The following TIAM2 variants were observed in gnomAD, a reference collection of about 807,000 sequenced individuals.
TIAM2 encodes rho guanine nucleotide exchange factor TIAM2.
A neutral mutation model predicts 152.9 loss-of-function variants in TIAM2; 80 were observed. The ratio of observed to expected loss-of-function variants is 0.52; its 90% CI spans 0.44 to 0.63. TIAM2 has a LOEUF of 0.63. TIAM2 is among the 30% of genes least tolerant of loss of function. TIAM2 has a pLI of 0.00. For missense variants in TIAM2, 1,965 were observed against 2,120.1 expected, an observed-to-expected ratio of 0.93 and a Z score of 1.44; for synonymous variants, 804 against 838.0, an observed-to-expected ratio of 0.96 and a Z score of 0.70.
At chr6:155,179,209 T>C in intron 11 of TIAM2, 66 bp downstream of exon 11, 1 of 1,519,370 alleles carries the variant, frequency 6.6e-7, no homozygotes, top group Non-Finnish European at 9.0e-7. Context: ...TTTTGAAAAA[T>C]GTCATTTTTG....
At chr6:155,223,102 T>C (rs1481679940) in intron 15 of TIAM2, among the ~76,000 whole-genome samples, 1 of 152,186 alleles carries the variant, frequency 6.6e-6, no homozygotes, top group Non-Finnish European at 1.5e-5. Flanking sequence ...CCCCAGAAGA[T>C]TGCTTATGCA....
intron 15 of TIAM2, among the ~76,000 whole-genome samples, chr6:155,222,554 C>T (rs9384301): frequency 0.92 from 139,534 of 151,350 alleles, 64,500 homozygotes; most frequent in East Asian, 1. Flanking sequence ...TGAGCCAAGA[C>T]TGCACCACTG....
At chr6:155,110,318 C>CTTTTCTT (rs1254574468) in intron 2 of TIAM2, among the ~76,000 whole-genome samples, 2 of 133,808 alleles carry the variant, frequency 1.5e-5, no homozygotes, top group Non-Finnish European at 3.1e-5. Context: ...TCTTTCTTTT[C>CTTTTCTT]TTTTTTTTTT....
Position 155,159,889 on chromosome 6 carries a change from C to A in TIAM2, c.2029-4526C>A, listed in dbSNP as rs988794. 3.9e-5 allele frequency among the ~76,000 whole-genome samples: 6 copies of A among 151,952 alleles called. No individual in the cohort carries two copies. In the East Asian group the frequency reaches 9.7e-4, roughly 25 times the overall value. ...ATGATCTTTCAATATGGAATAGATA[C>A]GTGAGTAAAGATGGCTTACTCTGCC... is the stretch of plus-strand genomic sequence containing the variant. On this transcript the variant is annotated intron_variant, in intron 7 of 26. Coordinates refer to ENST00000682666, the MANE Select transcript of TIAM2 (RefSeq NM_012454.4).
chr6:155,164,576 G>A lies in TIAM2; in HGVS notation c.2190G>A (p.Leu730=). ...TGGCCCTCGGCAGGCTGGGCATCTTGTCTGTTTCCTCTTTCCATGCTCTGG... is the reference window on the plus strand; with the variant it reads ...TGGCCCTCGGCAGGCTGGGCATCTTATCTGTTTCCTCTTTCCATGCTCTGG... ...SKLALGRLGI[L]SVSSFHALVC... Residue 730 remains leucine (L), a synonymous_variant, in exon 8 of 27, where the codon TTG becomes TTA. Coordinates refer to ENST00000682666, the MANE Select transcript of TIAM2 (RefSeq NM_012454.4). The A allele has an allele frequency of 1.9e-6, 3 of 1,613,502 alleles. No individual in the cohort carries two copies. The highest frequency in any genetic ancestry group is 1.7e-6 in the Non-Finnish European group (2 of 1,179,582).
chr6:155,181,754 C>T (rs559400003), intron 12 of TIAM2, among the ~76,000 whole-genome samples: 2 of 152,346 alleles, frequency 1.3e-5, no homozygotes, highest in Admixed American at 1.3e-4. Context: ...TCTAGCTACT[C>T]ACGTAAATAG....
chr6:155,231,748 C>A (rs538882841), intron 15 of TIAM2, among the ~76,000 whole-genome samples: 1 of 152,360 alleles, frequency 6.6e-6, no homozygotes, highest in Admixed American at 6.5e-5. Context: ...TCCCACTGTG[C>A]AGTCCAGATG....
intron 13 of TIAM2, 71 bp downstream of exon 13, chr6:155,182,389 G>A: frequency 7.8e-7 from 1 of 1,285,326 alleles, no homozygotes; most frequent in Admixed American, 2.0e-5. Flanking sequence ...GCTAGTGAAT[G>A]TTTCTTCTTA....
intron 14 of TIAM2, among the ~76,000 whole-genome samples, chr6:155,192,167 T>C (rs1471352319): frequency 1.3e-5 from 2 of 152,058 alleles, no homozygotes; most frequent in East Asian, 1.9e-4. Context: ...CTCTAGAATT[T>C]GGAAAAGGGA....
chr6:155,176,967 T>G lies in TIAM2; in HGVS notation c.2513T>G (p.Leu838Trp). The G allele has an allele frequency of 2.5e-6, 4 of 1,605,326 alleles. 1 individual carries two copies. Among genetic ancestry groups the G allele is most frequent in the Non-Finnish European group, 3.4e-6 (4 of 1,177,318 alleles). Residue 838 changes from leucine to tryptophan, a missense_variant, in exon 10 of 27, where the codon TTG becomes TGG. Transcript: ENST00000682666. Reference sequence around the variant, plus strand: ...CACAGAGTAGAAGATATTTTGACTTTGGCATGCAAGGTAACGGATTTTGCT... The same window carrying G: ...CACAGAGTAGAAGATATTTTGACTTGGGCATGCAAGGTAACGGATTTTGCT... ...PEHRVEDILT[L>W]ACKMRQLEPS...
At chr6:155,211,600 A>G (rs1781721701) in intron 15 of TIAM2, among the ~76,000 whole-genome samples, 1 of 151,630 alleles carries the variant, frequency 6.6e-6, no homozygotes, top group South Asian at 2.1e-4. Context: ...TTGCTTAGCA[A>G]TTTTGACAAG....
Position 155,172,693 on chromosome 6 carries a change from T to A in TIAM2, c.2362-4123T>A, listed in dbSNP as rs4031535. Among the ~76,000 whole-genome samples, 483 of 52,226 alleles carry A rather than the reference T, an allele frequency of 9.2e-3. 5 individuals are homozygous for A. The highest frequency in any genetic ancestry group is 0.052 in the African/African-American group (432 of 8,352). The allele number at this position is 52,226 out of a possible 152,430, so 34.3% of individuals were successfully genotyped here. A position where few individuals can be genotyped will look rare whatever the true frequency, so the allele number is the denominator to read the frequency against. On this transcript the variant is annotated intron_variant, in intron 9 of 26. Transcript: ENST00000682666. ...ATATATATATATATATATATTTTTTTTTTTTTTTTTTTTTTTTTTCTTTGA... is the reference window on the plus strand; with the variant it reads ...ATATATATATATATATATATTTTTTATTTTTTTTTTTTTTTTTTTCTTTGA...
intron 1 of TIAM2, among the ~76,000 whole-genome samples, chr6:155,019,038 TAAA>T (rs780102424): frequency 7.5e-6 from 1 of 133,012 alleles, no homozygotes; most frequent in African/African-American, 2.8e-5. Context: ...AGACTCCATC[TAAA>T]AAAAAAAAAA....
intron 16 of TIAM2, among the ~76,000 whole-genome samples, chr6:155,241,907 T>C (rs1783052052): frequency 6.6e-6 from 1 of 152,162 alleles, no homozygotes; most frequent in South Asian, 2.1e-4. Flanking sequence ...ATCTTGAGAA[T>C]AGTCATGGAG....
intron 7 of TIAM2, among the ~76,000 whole-genome samples, chr6:155,154,433 T>C (rs1427129248): frequency 6.6e-6 from 1 of 152,192 alleles, no homozygotes; most frequent in East Asian, 1.9e-4. Context: ...GGCCGTGTCC[T>C]GGGCCTCTTG....
intron 14 of TIAM2, among the ~76,000 whole-genome samples, chr6:155,199,229 C>CATGATGGCACACTACAGG (rs1781425153): frequency 2.6e-5 from 4 of 152,086 alleles, no homozygotes; most frequent in Admixed American, 2.0e-4. Flanking sequence ...GCACAAACCA[C>CATGATGGCACACTACAGG]CACACCCAGA....
chr6:155,164,133 G>GTTTTTTTTTTTTTA (rs375238178), intron 7 of TIAM2, among the ~76,000 whole-genome samples: 1 of 118,006 alleles, frequency 8.5e-6, no homozygotes, highest in Non-Finnish European at 1.7e-5. Flanking sequence ...TAATTTTTGT[G>GTTTTTTTTTTTTTA]TTTTTTTTTT....
intron 16 of TIAM2, among the ~76,000 whole-genome samples, chr6:155,243,125 C>G (rs1185476187): frequency 6.6e-6 from 1 of 152,176 alleles, no homozygotes; most frequent in African/African-American, 2.4e-5. Context: ...CCTGCTGGAA[C>G]CTCGTTTGCA....
chr6:155,152,191 C>A (rs1360279422), intron 7 of TIAM2, among the ~76,000 whole-genome samples: 2 of 152,192 alleles, frequency 1.3e-5, no homozygotes, highest in Non-Finnish European at 2.9e-5. Flanking sequence ...CTGAGCGGAA[C>A]TGTTGCTCAA....
Sources: gnomAD v4.1 joint callset for allele counts (sites outside exome capture counted in the v4.1 genomes callset) on GRCh38, gnomAD v4.1.1 for gene constraint, MANE v1.5 for transcripts, NCBI Gene and HGNC (gene_info 2026-07-23, HGNC 2026-07-21) for gene names.